IWS1: variants seen among roughly 807,000 people sequenced by gnomAD.
IWS1 encodes protein IWS1 homolog.
Under a neutral mutation model 86.7 loss-of-function variants are expected in IWS1, and 27 were observed. That is an observed-to-expected ratio of 0.31 (90% CI 0.23 to 0.43). IWS1 has a LOEUF of 0.43. Ranked by LOEUF, IWS1 falls within the 20% of genes least tolerant of loss-of-function variation. The probability of loss-of-function intolerance (pLI) is 1.00; values close to 1 mark genes in which losing one functional copy is unlikely to be tolerated. For synonymous variants in IWS1, 313 were observed against 335.1 expected (o/e 0.93, Z 0.72); for missense variants, 827 against 1,000.8 (o/e 0.83, Z 2.34).
chr2:127,525,972 G>A (rs1256412526), intron 1 of IWS1, among the ~76,000 whole-genome samples: 2 of 152,240 alleles, frequency 1.3e-5, no homozygotes, highest in East Asian at 1.9e-4. Context: ...CGATTCAGAA[G>A]AAAGCTTTCC....
Position 127,526,293 on chromosome 2 carries a change from G to C in IWS1, c.-85C>G. On this transcript the variant is annotated 5_prime_UTR_variant, in exon 1 of 14. Coordinates refer to ENST00000295321, the MANE Select transcript of IWS1 (RefSeq NM_017969.3). ...CAGGCGGTGTGACCCCGGATGGCGC[G>C]GCTAAGTGTTCAGAGACTGCCGCCC... 1 of 1,543,934 alleles carries C rather than the reference G, an allele frequency of 6.5e-7. No individual in the cohort carries two copies.
chr2:127,502,852 AAT>A lies in IWS1; in HGVS notation c.1428_1429del (p.Phe477TrpfsTer5). ...TTCCTCTTCATCACCAGATTCTCCA[AAT>A]ATGTCTGCAATAAGATTTCTAGAAA... On this transcript the variant is annotated frameshift_variant, in exon 5 of 14. Coordinates refer to ENST00000295321, the MANE Select transcript of IWS1 (RefSeq NM_017969.3). LOFTEE classifies it high-confidence loss of function. The A allele has an allele frequency of 6.5e-7, 1 of 1,540,492 alleles. No homozygotes were observed. Among genetic ancestry groups the A allele is most frequent in the Non-Finnish European group, 9.0e-7 (1 of 1,115,606 alleles).
chr2:127,519,746 G>A (rs186489542), intron 2 of IWS1, among the ~76,000 whole-genome samples: 7 of 152,260 alleles, frequency 4.6e-5, no homozygotes, highest in Non-Finnish European at 8.8e-5. Flanking sequence ...CCTTGAAATA[G>A]GGACATTACC....
Position 127,505,675 on chromosome 2 carries a change from A to G in IWS1, c.228T>C (p.Asn76=), listed in dbSNP as rs764792505. The G allele has an allele frequency of 6.2e-7, 1 of 1,613,806 alleles. No homozygotes were observed. The highest frequency in any genetic ancestry group is 8.5e-7 in the Non-Finnish European group (1 of 1,179,952). ...VTDSENDEPL[N]LNASDSESEE... is the part of the protein sequence containing the mutation. ...CACTTTCAGAGTCACTAGCATTAAGATTTAAGGGCTCATCGTTCTCAGAGT... is the reference window on the plus strand; with the variant it reads ...CACTTTCAGAGTCACTAGCATTAAGGTTTAAGGGCTCATCGTTCTCAGAGT... The change falls in exon 3 of 14, where the codon AAT becomes AAC. Residue 76 remains asparagine, a synonymous_variant. Coordinates refer to ENST00000295321, the MANE Select transcript of IWS1 (RefSeq NM_017969.3). This position sits in a 1 kb window ranked among gnomAD's most constrained non-coding sequence, Gnocchi z 5.0.
rs1480383513 is a variant in IWS1, at chr2:127,526,291, G to A, written c.-83C>T. On this transcript the variant is annotated 5_prime_UTR_variant, in exon 1 of 14. Transcript: ENST00000295321. ...TCCAGGCGGTGTGACCCCGGATGGC[G>A]CGGCTAAGTGTTCAGAGACTGCCGC... The A allele has an allele frequency of 1.9e-6, 3 of 1,543,938 alleles. No homozygotes were observed. Among genetic ancestry groups the A allele is most frequent in the African/African-American group, 2.7e-5 (2 of 73,078 alleles).
chr2:127,497,794 G>A (rs1257418409), intron 6 of IWS1, among the ~76,000 whole-genome samples: 1 of 152,148 alleles, frequency 6.6e-6, no homozygotes, highest in East Asian at 1.9e-4. Flanking sequence ...ATATTTTGTA[G>A]TTAAGATGTT....
chr2:127,524,255 T>C (rs1254371811), intron 1 of IWS1, among the ~76,000 whole-genome samples: 2 of 152,256 alleles, frequency 1.3e-5, no homozygotes, highest in African/African-American at 2.4e-5. Context: ...CAGTAAGTAT[T>C]TGTTTACAAA....
At chr2:127,507,483 A>AT (rs1189316433) in intron 2 of IWS1, among the ~76,000 whole-genome samples, 1 of 152,192 alleles carries the variant, frequency 6.6e-6, no homozygotes, top group Non-Finnish European at 1.5e-5. Flanking sequence ...ACTGTATTAG[A>AT]TTCCTTGTCA....
intron 13 of IWS1, chr2:127,482,650 CACTA>C (rs1558735852): frequency 1.3e-5 from 2 of 152,368 alleles, no homozygotes; most frequent in Non-Finnish European, 2.9e-5. Flanking sequence ...CCAGGACCCT[CACTA>C]ACTGTCTAAG....
intron 1 of IWS1, among the ~76,000 whole-genome samples, chr2:127,524,247 G>C (rs371061352): frequency 6.6e-6 from 1 of 152,328 alleles, no homozygotes; most frequent in Admixed American, 6.5e-5. Context: ...CTGATATACA[G>C]TAAGTATTTG....
In IWS1 at chr2:127,505,356, T is replaced by C; in HGVS notation, c.547A>G (p.Ser183Gly). The C allele has an allele frequency of 6.2e-7, 1 of 1,614,138 alleles. No individual in the cohort carries two copies. Among genetic ancestry groups the C allele is most frequent in the Non-Finnish European group, 8.5e-7 (1 of 1,180,002 alleles). Residue 183 changes from serine to glycine, a missense_variant, in exon 3 of 14, where the codon AGT (serine) becomes GGT (glycine). Transcript: ENST00000295321. This position sits in a 1 kb window ranked among gnomAD's most constrained non-coding sequence, Gnocchi z 5.0. ...GGGGGTTCCTCACTCTCAGAGTCAC[T>C]GATTTGAGGTTTTAGAGCATCTTCT... is the stretch of plus-strand genomic sequence containing the variant. ...ETEDALKPQI[S>G]DSESEEPPRH...
intron 2 of IWS1, among the ~76,000 whole-genome samples, chr2:127,519,493 G>C (rs141494476): frequency 3.4e-5 from 5 of 147,800 alleles, no homozygotes; most frequent in African/African-American, 1.1e-4. Context: ...GTGTGTGTGC[G>C]TGTGTGTGCA....
intron 2 of IWS1, among the ~76,000 whole-genome samples, chr2:127,518,955 C>T (rs1375355545): frequency 2.6e-5 from 4 of 152,172 alleles, no homozygotes; most frequent in African/African-American, 9.7e-5. Context: ...GACAGGATAA[C>T]CAGTACTGGT....
intron 9 of IWS1, 169 bp downstream of exon 9, chr2:127,493,112 G>A (rs1690318742): frequency 1.9e-6 from 1 of 513,514 alleles, no homozygotes; most frequent in African/African-American, 2.0e-5. Context: ...AGTTTTATAA[G>A]GTCTTCCCTT....
intron 13 of IWS1, among the ~76,000 whole-genome samples, chr2:127,483,496 C>T (rs964220723): frequency 1.4e-5 from 2 of 147,896 alleles, no homozygotes; most frequent in African/African-American, 5.0e-5. Context: ...CAGGATAGAC[C>T]ATTATGCAGC....
chr2:127,512,461 G>A (rs34487239), intron 2 of IWS1, among the ~76,000 whole-genome samples: 2,033 of 152,288 alleles, frequency 0.013, 31 homozygotes, highest in Non-Finnish European at 0.021. Flanking sequence ...CACAAAAGGT[G>A]TGAAGCCATC....
Position 127,505,339 on chromosome 2 carries a change from C to T in IWS1, c.564G>A (p.Glu188=), listed in dbSNP as rs367994620. 3 of 1,613,898 alleles carry T rather than the reference C, an allele frequency of 1.9e-6. No individual in the cohort carries two copies. Among genetic ancestry groups the T allele is most frequent in the African/African-American group, 1.3e-5 (1 of 74,958 alleles). The part of the protein sequence containing the change: ...LKPQISDSES[E]EPPRHQASDS... ...CACTGGCTTGGTGCCTTGGGGGTTCCTCACTCTCAGAGTCACTGATTTGAG... is the reference window on the plus strand; with the variant it reads ...CACTGGCTTGGTGCCTTGGGGGTTCTTCACTCTCAGAGTCACTGATTTGAG... The change falls in exon 3 of 14, where the codon GAG becomes GAA. Residue 188 remains glutamate (E), a synonymous_variant. Coordinates refer to ENST00000295321, the MANE Select transcript of IWS1 (RefSeq NM_017969.3). This position sits in a 1 kb window ranked among gnomAD's most constrained non-coding sequence, Gnocchi z 5.0.
At chr2:127,490,410 C>T (rs910384997) in intron 10 of IWS1, among the ~76,000 whole-genome samples, 6 of 152,198 alleles carry the variant, frequency 3.9e-5, no homozygotes, top group African/African-American at 1.4e-4. Context: ...TTTAATAGTG[C>T]GGGTGGAGAC....
At chr2:127,519,143 C>T (rs1691947174) in intron 2 of IWS1, among the ~76,000 whole-genome samples, 1 of 151,860 alleles carries the variant, frequency 6.6e-6, no homozygotes, top group South Asian at 2.1e-4. Flanking sequence ...GCCAACCATA[C>T]AAGAATAAAC....
Sources: gnomAD v4.1 joint callset for allele counts (sites outside exome capture counted in the v4.1 genomes callset) on GRCh38, gnomAD v4.1.1 for gene constraint, Gnocchi (gnomAD v3.1) non-coding constraint, MANE v1.5 for transcripts, NCBI Gene and HGNC (gene_info 2026-07-23, HGNC 2026-07-21) for gene names.